FGGY: variants seen among roughly 807,000 people sequenced by gnomAD.
FGGY encodes FGGY carbohydrate kinase domain-containing protein.
FGGY carries 72 observed loss-of-function variants against 71.3 expected under a neutral mutation model. The ratio of observed to expected loss-of-function variants is 1.01; its 90% CI spans 0.84 to 1.23. The LOEUF (loss-of-function observed/expected upper bound fraction) is 1.23, where lower values mean the gene tolerates loss of function less well. FGGY is among the 50% of genes most tolerant of loss of function. The pLI, the probability that FGGY is intolerant of heterozygous loss-of-function variation, is 0.00. For missense variants in FGGY, 668 were observed against 682.3 expected (o/e 0.98, Z 0.23); for synonymous variants, 251 against 250.3 (o/e 1.00, Z -0.02).
chr1:59,437,280 G>C (rs553910838), intron 5 of FGGY, among the ~76,000 whole-genome samples: 6 of 152,328 alleles, frequency 3.9e-5, no homozygotes, highest in Admixed American at 2.0e-4. Flanking sequence ...GTTGTAGACA[G>C]AGTCAACCAG....
At chr1:59,326,914 A>T (rs2047539209) in intron 2 of FGGY, among the ~76,000 whole-genome samples, 1 of 152,240 alleles carries the variant, frequency 6.6e-6, no homozygotes, top group African/African-American at 2.4e-5. Flanking sequence ...ATTATATTGC[A>T]GTCTATTAAA....
At chr1:59,581,774 C>T (rs948024630) in intron 8 of FGGY, among the ~76,000 whole-genome samples, 1 of 149,944 alleles carries the variant, frequency 6.7e-6, no homozygotes, top group African/African-American at 2.5e-5. Context: ...AGAGAAAGTA[C>T]ATAAGTGGTT....
intron 8 of FGGY, among the ~76,000 whole-genome samples, chr1:59,600,741 C>T (rs1228145693): frequency 2.6e-5 from 4 of 152,218 alleles, no homozygotes; most frequent in South Asian, 4.2e-4. Context: ...TGATCCCCAT[C>T]GACAGATAAG....
chr1:59,346,112 T>C, intron 3 of FGGY, 135 bp from the exon 4 acceptor site: 1 of 1,173,296 alleles, frequency 8.5e-7, no homozygotes, highest in Non-Finnish European at 1.2e-6. Flanking sequence ...CTGGTGTCCT[T>C]TCATTTTGCA....
At chr1:59,666,710 C>A (rs1572890340) in intron 12 of FGGY, among the ~76,000 whole-genome samples, 1 of 152,212 alleles carries the variant, frequency 6.6e-6, no homozygotes, top group African/African-American at 2.4e-5. Flanking sequence ...AGAACCACTA[C>A]CTGGTTTCAG....
intron 5 of FGGY, among the ~76,000 whole-genome samples, chr1:59,430,795 T>G (rs2067213380): frequency 6.6e-6 from 1 of 152,140 alleles, no homozygotes; most frequent in African/African-American, 2.4e-5. Context: ...ACACCACTCT[T>G]CAGTAATGAC....
chr1:59,406,255 C>T (rs916283403), intron 5 of FGGY, among the ~76,000 whole-genome samples: 1 of 151,582 alleles, frequency 6.6e-6, no homozygotes, highest in Non-Finnish European at 1.5e-5. Context: ...CTGAGTCTCT[C>T]GTCATGCGTG....
At chr1:59,600,742 G>A (rs1478807963) in intron 8 of FGGY, among the ~76,000 whole-genome samples, 1 of 152,100 alleles carries the variant, frequency 6.6e-6, no homozygotes, top group Non-Finnish European at 1.5e-5. Context: ...GATCCCCATC[G>A]ACAGATAAGG....
chr1:59,468,677 A>G (rs1291947550), intron 6 of FGGY, among the ~76,000 whole-genome samples: 2 of 151,930 alleles, frequency 1.3e-5, no homozygotes, highest in African/African-American at 4.8e-5. Context: ...TCGAGACCAT[A>G]CTGGCTAACA....
intron 7 of FGGY, among the ~76,000 whole-genome samples, chr1:59,538,738 A>C (rs911452751): frequency 2.6e-5 from 4 of 151,816 alleles, no homozygotes; most frequent in East Asian, 1.9e-4. Context: ...AGTAAACTAT[A>C]GCAAGAACAA....
Position 59,733,940 on chromosome 1 carries a change from A to G in FGGY, c.1513-23991A>G, listed in dbSNP as rs570277354. Among the ~76,000 whole-genome samples, 212 of 152,298 alleles carry G rather than the reference A, an allele frequency of 1.4e-3. 1 individual carries two copies. The highest frequency in any genetic ancestry group is 2.4e-3 in the Admixed American group (36 of 15,304). ...CTCATATCTGGGTGATAAGAGAGCC[A>G]CCTTGATGTCCCCTGGCCCTTGCTG... On this transcript the variant is annotated intron_variant, in intron 14 of 15. Coordinates refer to ENST00000303721, the MANE Select transcript of FGGY (RefSeq NM_018291.5).
intron 4 of FGGY, among the ~76,000 whole-genome samples, chr1:59,365,333 G>A (rs1159212812): frequency 1.3e-5 from 2 of 152,170 alleles, no homozygotes; most frequent in African/African-American, 4.8e-5. Context: ...CCCGGAGAGT[G>A]AGAGGTTGAG....
At chr1:59,746,277 C>T (rs866418547) in intron 14 of FGGY, among the ~76,000 whole-genome samples, 4 of 152,108 alleles carry the variant, frequency 2.6e-5, no homozygotes, top group African/African-American at 9.7e-5. Flanking sequence ...TGCAGGAATA[C>T]TTGTCTGGAA....
At chr1:59,696,147 A>G (rs1573354272) in intron 14 of FGGY, among the ~76,000 whole-genome samples, 1 of 152,200 alleles carries the variant, frequency 6.6e-6, no homozygotes, top group African/African-American at 2.4e-5. Flanking sequence ...GCTGAATTCC[A>G]TGGGCACCAG....
chr1:59,554,573 C>T (rs2095656436), intron 8 of FGGY, among the ~76,000 whole-genome samples: 1 of 152,146 alleles, frequency 6.6e-6, no homozygotes, highest in Non-Finnish European at 1.5e-5. Context: ...GCGGGGTCTT[C>T]TCGGCAAAGA....
chr1:59,492,464 A>G (rs923169324), intron 6 of FGGY, among the ~76,000 whole-genome samples: 12 of 152,104 alleles, frequency 7.9e-5, no homozygotes, highest in African/African-American at 1.7e-4. Flanking sequence ...ATTTTTTTCT[A>G]TTAGTTTAAT....
chr1:59,453,479 T>C (rs534819602), intron 5 of FGGY, among the ~76,000 whole-genome samples: 16 of 152,342 alleles, frequency 1.1e-4, no homozygotes, highest in African/African-American at 3.8e-4. Flanking sequence ...ATTTGACTCA[T>C]GGACAGCTCA....
intron 5 of FGGY, among the ~76,000 whole-genome samples, chr1:59,428,413 C>T (rs748110160): frequency 3.9e-5 from 6 of 152,178 alleles, no homozygotes; most frequent in Non-Finnish European, 8.8e-5. Flanking sequence ...AGAACCGAAG[C>T]GCTGAACTGC....
At chr1:59,744,687 A>C (rs1235991839) in intron 14 of FGGY, among the ~76,000 whole-genome samples, 1 of 152,244 alleles carries the variant, frequency 6.6e-6, no homozygotes, top group East Asian at 1.9e-4. Flanking sequence ...TTATACAGAT[A>C]TCCTGGATCC....
Sources: gnomAD v4.1 joint callset for allele counts (sites outside exome capture counted in the v4.1 genomes callset) on GRCh38, gnomAD v4.1.1 for gene constraint, MANE v1.5 for transcripts, NCBI Gene and HGNC (gene_info 2026-07-23, HGNC 2026-07-21) for gene names.